The following INTS4 variants were observed in gnomAD, a reference collection of about 807,000 sequenced individuals.
The protein encoded by INTS4 is integrator complex subunit 4, also known as MSTP093.
In INTS4, 70 loss-of-function variants were observed where a neutral mutation model predicts 119.5. The ratio of observed to expected loss-of-function variants is 0.59; its 90% CI spans 0.48 to 0.71. The LOEUF (loss-of-function observed/expected upper bound fraction) is 0.71. Among genes scored for constraint, INTS4 ranks in the 30% least tolerant of loss-of-function variants. INTS4 has a pLI of 0.00. For missense variants in INTS4, 867 were observed against 1,173.2 expected, an observed-to-expected ratio of 0.74 and a Z score of 3.81; for synonymous variants, 316 against 419.6, an observed-to-expected ratio of 0.75 and a Z score of 3.02.
At chr11:77,955,496 C>CTTT (rs796295814) in intron 8 of INTS4, among the ~76,000 whole-genome samples, 3 of 135,524 alleles carry the variant, frequency 2.2e-5, no homozygotes, top group South Asian at 2.3e-4. Flanking sequence ...TAATCCCAGC[C>CTTT]TTTTTTTTTT....
downstream of INTS4, among the ~76,000 whole-genome samples, chr11:77,875,509 A>G (rs1236188883): frequency 6.6e-6 from 1 of 152,214 alleles, no homozygotes; most frequent in Non-Finnish European, 1.5e-5. Context: ...TATAAATGAA[A>G]ATAACTGAGT....
chr11:77,882,822 C>T (rs902603695), intron 22 of INTS4, among the ~76,000 whole-genome samples: 1 of 152,150 alleles, frequency 6.6e-6, no homozygotes, highest in Non-Finnish European at 1.5e-5. Context: ...TGTAATCCCA[C>T]TACTTTGGGA....
chr11:77,901,233 C>T, intron 18 of INTS4, 188 bp downstream of exon 18: 1 of 675,464 alleles, frequency 1.5e-6, no homozygotes, highest in Non-Finnish European at 2.6e-6. Flanking sequence ...AATTGGATTT[C>T]CAAGGGTCTA....
intron 8 of INTS4, among the ~76,000 whole-genome samples, chr11:77,946,953 T>C (rs1185896755): frequency 1.3e-5 from 2 of 148,758 alleles, no homozygotes; most frequent in Non-Finnish European, 3.0e-5. Flanking sequence ...GAAATCAATA[T>C]CATAAAAAAG....
At chr11:77,896,161 TAC>T (rs1952508895) in intron 18 of INTS4, among the ~76,000 whole-genome samples, 1 of 151,928 alleles carries the variant, frequency 6.6e-6, no homozygotes, top group South Asian at 2.1e-4. Flanking sequence ...AAAAGGATAT[TAC>T]ATTGACAAAG....
At chr11:77,940,053 C>A (rs1953893007) in intron 9 of INTS4, among the ~76,000 whole-genome samples, 1 of 151,968 alleles carries the variant, frequency 6.6e-6, no homozygotes, top group Admixed American at 6.6e-5. Context: ...AATGAATGTA[C>A]ATATTATTTT....
At chr11:77,925,453 G>T (rs1953474000) in intron 11 of INTS4, among the ~76,000 whole-genome samples, 1 of 152,170 alleles carries the variant, frequency 6.6e-6, no homozygotes, top group Non-Finnish European at 1.5e-5. Context: ...CTTGCTCAAT[G>T]CATGGTTGCC....
intron 15 of INTS4, chr11:77,915,075 T>C (rs1953175729): frequency 1.6e-5 from 3 of 189,634 alleles, no homozygotes; most frequent in Non-Finnish European, 3.5e-5. Flanking sequence ...TAACGATTCA[T>C]GTTCTGCAGC....
chr11:77,946,059 C>T (rs1171149762), intron 8 of INTS4, among the ~76,000 whole-genome samples: 2 of 152,260 alleles, frequency 1.3e-5, no homozygotes, highest in Non-Finnish European at 2.9e-5. Context: ...GCAGCAACTA[C>T]TGCCTCCCTG....
intron 16 of INTS4, among the ~76,000 whole-genome samples, chr11:77,904,337 G>A (rs764858323): frequency 5.9e-5 from 9 of 152,158 alleles, no homozygotes; most frequent in African/African-American, 1.7e-4. Context: ...AAATATTCTC[G>A]TAGCCACGGT....
chr11:77,900,967 AAAC>A (rs1591033034), intron 18 of INTS4, among the ~76,000 whole-genome samples: 2 of 152,226 alleles, frequency 1.3e-5, no homozygotes, highest in South Asian at 4.1e-4. Context: ...GTTCATAACC[AAAC>A]AACTAGTAAG....
chr11:77,888,367 T>C (rs371137190), intron 21 of INTS4, among the ~76,000 whole-genome samples: 3 of 152,052 alleles, frequency 2.0e-5, no homozygotes, highest in Non-Finnish European at 2.9e-5. Context: ...AACTGGCTAG[T>C]CATATGTAGA....
chr11:77,960,021 C>T (rs779807011), intron 6 of INTS4, among the ~76,000 whole-genome samples: 1 of 152,044 alleles, frequency 6.6e-6, no homozygotes, highest in Admixed American at 6.6e-5. Context: ...TCATGTACGG[C>T]CCAACCAAAC....
At chr11:77,939,584 A>C (rs1341666758) in intron 9 of INTS4, among the ~76,000 whole-genome samples, 1 of 152,210 alleles carries the variant, frequency 6.6e-6, no homozygotes, top group Non-Finnish European at 1.5e-5. Flanking sequence ...TATACTGGTT[A>C]GTGTATCCAG....
At chr11:77,885,275 C>T (rs1348447006) in intron 21 of INTS4, among the ~76,000 whole-genome samples, 1 of 151,846 alleles carries the variant, frequency 6.6e-6, no homozygotes, top group South Asian at 2.1e-4. Flanking sequence ...TGGGGTTTCA[C>T]CATGTTGGCC....
downstream of INTS4, among the ~76,000 whole-genome samples, chr11:77,878,237 C>T (rs1477048783): frequency 6.6e-6 from 1 of 152,016 alleles, no homozygotes; most frequent in African/African-American, 2.4e-5. Context: ...TGACAGGCGC[C>T]TGTAGTCCCA....
At chr11:77,982,772 T>C (rs559611239) in intron 2 of INTS4, among the ~76,000 whole-genome samples, 5 of 152,322 alleles carry the variant, frequency 3.3e-5, no homozygotes, top group African/African-American at 1.2e-4. Context: ...AGATCATCTT[T>C]CTATACTAAA....
chr11:77,970,850 C>T (rs1415257285), intron 4 of INTS4, among the ~76,000 whole-genome samples: 1 of 152,068 alleles, frequency 6.6e-6, no homozygotes, highest in African/African-American at 2.4e-5. Flanking sequence ...TTGCTCTTGT[C>T]ACCCAGGCTG....
intron 11 of INTS4, among the ~76,000 whole-genome samples, chr11:77,927,761 G>T (rs1953544083): frequency 6.6e-6 from 1 of 152,086 alleles, no homozygotes; most frequent in Admixed American, 6.5e-5. Context: ...AGGTTGAAAA[G>T]AACTCTTCAT....
Sources: gnomAD v4.1 joint callset for allele counts (sites outside exome capture counted in the v4.1 genomes callset) on GRCh38, gnomAD v4.1.1 for gene constraint, MANE v1.5 for transcripts, NCBI Gene and HGNC (gene_info 2026-07-23, HGNC 2026-07-21) for gene names.